UNC13C: variants seen among roughly 807,000 people sequenced by gnomAD.
UNC13C encodes unc-13 homolog C.
Under a neutral mutation model 245.4 loss-of-function variants are expected in UNC13C, and 174 were observed. The observed-to-expected ratio is 0.71, with a 90% CI of 0.63 to 0.80. The LOEUF is 0.80. Among genes scored for constraint, UNC13C ranks in the 30% least tolerant of loss-of-function variants. UNC13C has a pLI of 0.00. For missense variants in UNC13C, 2,829 were observed against 2,602.9 expected (o/e 1.09, Z -1.89); for synonymous variants, 992 against 895.1 (o/e 1.11, Z -1.93).
At chr15:54,109,977 T>C (rs907591593) in intron 2 of UNC13C, among the ~76,000 whole-genome samples, 5 of 152,166 alleles carry the variant, frequency 3.3e-5, no homozygotes, top group Non-Finnish European at 5.9e-5. Context: ...CAGGTCCTTC[T>C]GTTTAAAGTA....
At chr15:54,268,077 A>G (rs1321916037) in intron 10 of UNC13C, among the ~76,000 whole-genome samples, 1 of 151,960 alleles carries the variant, frequency 6.6e-6, no homozygotes, top group Admixed American at 6.6e-5. Flanking sequence ...TAAGCCCAGC[A>G]TGCATTAGGT....
intron 30 of UNC13C, among the ~76,000 whole-genome samples, chr15:54,605,734 A>G (rs531174809): frequency 3.3e-5 from 5 of 152,218 alleles, no homozygotes; most frequent in African/African-American, 7.2e-5. Context: ...GATTCAGTCA[A>G]CCAGGATGCA....
At chr15:54,166,520 A>T (rs960239228) in intron 4 of UNC13C, among the ~76,000 whole-genome samples, 1 of 152,066 alleles carries the variant, frequency 6.6e-6, no homozygotes, top group Non-Finnish European at 1.5e-5. Flanking sequence ...AGTATAGGCA[A>T]TTAGGCAAGA....
At chr15:54,020,167 G>A (rs1477065643) in intron 2 of UNC13C, among the ~76,000 whole-genome samples, 1 of 151,994 alleles carries the variant, frequency 6.6e-6, no homozygotes. Context: ...ACTACTAAAA[G>A]CTATGTAGCA....
In UNC13C at chr15:54,508,685, T is replaced by A. The variant is rs565809461; in HGVS notation, c.5379+1491T>A. ...TTATAAAAGAATATCACTTGGTTAC[T>A]AGGCTTATGTTTTCATTCAAGGCAA... is the stretch of plus-strand genomic sequence containing the variant. On this transcript the variant is annotated intron_variant, in intron 23 of 32. Transcript: ENST00000260323. Among the ~76,000 whole-genome samples, 5 of 152,286 alleles carry A rather than the reference T, an allele frequency of 3.3e-5. No homozygotes were observed. The South Asian group carries it at 1.0e-3, about 32-fold the overall frequency.
downstream of UNC13C, chr15:54,632,694 G>A (rs1344086257): frequency 2.0e-5 from 3 of 152,164 alleles, no homozygotes. Context: ...AAATGTGTGT[G>A]AGTCCATTTC....
chr15:54,244,515 AT>A (rs2140851819), intron 7 of UNC13C, among the ~76,000 whole-genome samples: 1 of 152,220 alleles, frequency 6.6e-6, no homozygotes, highest in African/African-American at 2.4e-5. Flanking sequence ...GAAAATATTC[AT>A]GGTAGTTTAA....
Position 54,012,942 on chromosome 15 carries a change from C to A in UNC13C, c.39C>A (p.Tyr13Ter), listed in dbSNP as rs999994043. Residue 13 changes from tyrosine (Y) to a stop codon, truncating the protein, a stop_gained, in exon 2 of 33, where the codon TAC becomes TAA. Coordinates refer to ENST00000260323, the MANE Select transcript of UNC13C (RefSeq NM_001080534.3). LOFTEE classifies it high-confidence loss of function. ...TTTTCAAGAGCTTGATTTTACCTTA[C>A]ATTCATAAGCTTTGCAAAGGAATGT... ...ANFFKSLILP[Y>*]IHKLCKGMFT... The A allele has an allele frequency of 1.9e-6, 3 of 1,609,844 alleles. No individual in the cohort carries two copies. Among genetic ancestry groups the A allele is most frequent in the African/African-American group, 2.7e-5 (2 of 74,624 alleles).
At chr15:54,002,482 G>C (rs1189616636) in intron 1 of UNC13C, among the ~76,000 whole-genome samples, 1 of 152,036 alleles carries the variant, frequency 6.6e-6, no homozygotes, top group African/African-American at 2.4e-5. Context: ...TAGACCTTAG[G>C]AGACACAGAG....
chr15:54,460,041 A>G (rs1567293943), intron 19 of UNC13C, among the ~76,000 whole-genome samples: 2 of 152,140 alleles, frequency 1.3e-5, no homozygotes, highest in Admixed American at 1.3e-4. Context: ...CAGTGGACAG[A>G]TCTGCGGCTC....
chr15:54,333,824 C>G lies in UNC13C; in HGVS notation c.4552C>G (p.Leu1518Val), dbSNP rs2038503189. The change falls in exon 16 of 33, where the codon CTG (leucine) becomes GTG (valine). Residue 1518 changes from leucine (L) to valine (V), a missense_variant. Coordinates refer to ENST00000260323, the MANE Select transcript of UNC13C (RefSeq NM_001080534.3). ...RLQDLKSTVD[L>V]LTSITFFRMK... ...GCAAGACCTGAAATCAACTGTTGACCTGTTAACAAGTATCACCTTTTTTAG... is the reference window on the plus strand; with the variant it reads ...GCAAGACCTGAAATCAACTGTTGACGTGTTAACAAGTATCACCTTTTTTAG... 2.5e-6 allele frequency: 4 copies of G among 1,606,018 alleles called. No homozygotes were observed. The highest frequency in any genetic ancestry group is 3.4e-6 in the Non-Finnish European group (4 of 1,175,822).
intron 21 of UNC13C, among the ~76,000 whole-genome samples, chr15:54,500,486 A>G (rs904594416): frequency 9.2e-5 from 14 of 152,040 alleles, no homozygotes; most frequent in Admixed American, 5.9e-4. Context: ...CAGGATTTCT[A>G]GATTAGGAGC....
chr15:54,307,689 T>A (rs964397733), intron 13 of UNC13C, among the ~76,000 whole-genome samples: 1 of 151,934 alleles, frequency 6.6e-6, no homozygotes, highest in Non-Finnish European at 1.5e-5. Flanking sequence ...GCCCCACCCT[T>A]ACTTGTCCTT....
intron 2 of UNC13C, among the ~76,000 whole-genome samples, chr15:54,025,881 A>G (rs1047671697): frequency 2.6e-5 from 4 of 152,220 alleles, no homozygotes; most frequent in Non-Finnish European, 4.4e-5. Context: ...TCATGGCAAC[A>G]AGAAATGACA....
At chr15:54,002,102 C>T (rs553960455) in intron 1 of UNC13C, among the ~76,000 whole-genome samples, 9 of 152,268 alleles carry the variant, frequency 5.9e-5, no homozygotes, top group Middle Eastern at 3.4e-3. Context: ...CTGGCTAACA[C>T]GGTGAAACAC....
chr15:54,102,435 C>T (rs747347342), intron 2 of UNC13C, among the ~76,000 whole-genome samples: 27 of 152,160 alleles, frequency 1.8e-4, no homozygotes, highest in African/African-American at 6.3e-4. Flanking sequence ...TGCTGCTGTA[C>T]GACATGCTTG....
rs1283874167 is a variant in UNC13C, at chr15:54,511,799, A to G, written c.5426A>G (p.Glu1809Gly). The change falls in exon 24 of 33, where the codon GAA (glutamate) becomes GGA (glycine). Residue 1809 changes from glutamate to glycine, a missense_variant. Coordinates refer to ENST00000260323, the MANE Select transcript of UNC13C (RefSeq NM_001080534.3). ...NNIQQLRVQL[E>G]KMFESMGGKE... ...ATTCAACAATTGCGGGTCCAGCTGG[A>G]AAAAATGTTTGAATCCATGGGAGGG... 1 of 1,609,686 alleles carries G rather than the reference A, an allele frequency of 6.2e-7. No individual in the cohort carries two copies. The highest frequency in any genetic ancestry group is 8.5e-7 in the Non-Finnish European group (1 of 1,177,956).
chr15:53,917,273 G>A, the UNC13C span, among the ~76,000 whole-genome samples: 2 of 152,152 alleles, frequency 1.3e-5, no homozygotes, highest in Non-Finnish European at 2.9e-5. Context: ...TTTAACAGTT[G>A]GGTGCAGCTG....
intron 19 of UNC13C, among the ~76,000 whole-genome samples, chr15:54,463,265 C>CA (rs1402691239): frequency 3.8e-5 from 1 of 26,210 alleles, no homozygotes; most frequent in East Asian, 4.5e-3. Context: ...AGAATGTGGG[C>CA]GGGGGGGGGG....
Sources: allele counts gnomAD v4.1 joint callset (sites outside exome capture counted in the v4.1 genomes callset), GRCh38; gene constraint gnomAD v4.1.1; transcripts MANE v1.5; gene names NCBI Gene and HGNC (gene_info 2026-07-23, HGNC 2026-07-21).